The following ZNF554 variants were observed in gnomAD, a reference collection of about 807,000 sequenced individuals.
The protein encoded by ZNF554 is zinc finger protein 554.
ZNF554 carries 15 observed loss-of-function variants against 21.2 expected under a neutral mutation model. The ratio of observed to expected loss-of-function variants is 0.71; its 90% CI spans 0.47 to 1.09. The LOEUF (loss-of-function observed/expected upper bound fraction) is 1.09. Among genes scored for constraint, ZNF554 ranks in the 50% least tolerant of loss-of-function variants. ZNF554 has a pLI of 0.00. For synonymous variants in ZNF554, 258 were observed against 251.4 expected (o/e 1.03, Z -0.25); for missense variants, 691 against 662.7 (o/e 1.04, Z -0.47).
chr19:2,820,360 C>T (rs1163624541), intron 1 of ZNF554, among the ~76,000 whole-genome samples: 1 of 152,226 alleles, frequency 6.6e-6, no homozygotes, highest in Non-Finnish European at 1.5e-5. Context: ...CGAGGCCCAG[C>T]CTGCAAGGAG....
chr19:2,822,153 T>A (rs566914410), intron 1 of ZNF554, among the ~76,000 whole-genome samples: 2 of 151,890 alleles, frequency 1.3e-5, no homozygotes, highest in South Asian at 4.2e-4. Context: ...CAGGTTCAAA[T>A]AATTATCGTG....
chr19:2,835,240 A>ATAC lies in ZNF554; in HGVS notation c.*388_*389insTAC. On this transcript the variant is annotated 3_prime_UTR_variant, in exon 5 of 5. Coordinates refer to ENST00000317243, the MANE Select transcript of ZNF554 (RefSeq NM_001102651.2). Reference sequence around the variant, plus strand: ...ATAATCCTAACACTTTAGGAGGCCGAGGCGGGTGGATCATGAGGTCAGGAG... The same window carrying ATAC: ...ATAATCCTAACACTTTAGGAGGCCGATACGGCGGGTGGATCATGAGGTCAGGAG... 1 of 170,784 alleles carries ATAC rather than the reference A, an allele frequency of 5.9e-6. No individual in the cohort carries two copies. Among genetic ancestry groups the ATAC allele is most frequent in the Admixed American group, 5.4e-5 (1 of 18,474 alleles). The allele number at this position is 170,784 out of a possible 1,614,324, so 10.6% of individuals were successfully genotyped here. A position where few individuals can be genotyped will look rare whatever the true frequency, so the allele number is the denominator to read the frequency against.
chr19:2,834,580 TC>T lies in ZNF554; in HGVS notation c.1347del (p.Ser450LeufsTer31), dbSNP rs780824562. On this transcript the variant is annotated frameshift_variant, in exon 5 of 5. Transcript: ENST00000317243. LOFTEE classifies it low-confidence loss of function (END_TRUNC). Reference protein sequence around the residue: ...SECGKAFSDRSSLNQHERTHT... With the variant: ...SECGKAFSDRXSLNQHERTHT... ...ATGTGGAAAGGCCTTCAGTGACCGT[TC>T]CTCTCTCAACCAGCACGAGCGAACT... The T allele has an allele frequency of 4.3e-6, 7 of 1,613,574 alleles. No individual in the cohort carries two copies. The highest frequency in any genetic ancestry group is 3.3e-5 in the Admixed American group (2 of 59,944).
rs1202694101 is a variant in ZNF554, at chr19:2,832,389, T to C, written c.340T>C (p.Ser114Pro). The change falls in exon 4 of 5, where the codon TCA (serine) becomes CCA (proline). Residue 114 changes from serine (S) to proline (P), a missense_variant. Coordinates refer to ENST00000317243, the MANE Select transcript of ZNF554 (RefSeq NM_001102651.2). ...AACCTCACAAGTCACTAGTCTTTCC[T>C]CATGGACGGGGTATTTACTTTTTCA... ...AQTSQVTSLS[S>P]WTGYLLFQPV... 2 of 1,614,218 alleles carry C rather than the reference T, an allele frequency of 1.2e-6. No individual in the cohort carries two copies. The highest frequency in any genetic ancestry group is 2.2e-5 in the East Asian group (1 of 44,888).
chr19:2,823,949 C>T (rs1030009177), intron 2 of ZNF554, among the ~76,000 whole-genome samples: 18 of 152,234 alleles, frequency 1.2e-4, no homozygotes, highest in African/African-American at 4.1e-4. Context: ...CCTCCCTGGC[C>T]TGAAGGTGGG....
At chr19:2,831,593 C>CTTTTTTTTTTTTTTTTTTTTT (rs71179916) in intron 3 of ZNF554, 1 of 113,480 alleles carries the variant, frequency 8.8e-6, no homozygotes, top group African/African-American at 3.4e-5. Flanking sequence ...TGCACCCGCC[C>CTTTTTTTTTTTTTTTTTTTTT]TTTTTTTTTT....
rs558144713 is a variant in ZNF554 at position 2,824,104 on chromosome 19, G to A, written c.126+992G>A. ...CCCCTGAACCTGCAGGGACTAGGGA[G>A]TCCTTCCTGAGACTCCTGAGGGTGC... On this transcript the variant is annotated intron_variant, in intron 2 of 4. Transcript: ENST00000317243. Among the ~76,000 whole-genome samples the A allele has an allele frequency of 7.1e-4, 108 of 152,294 alleles. 1 individual carries two copies. Among genetic ancestry groups the A allele is most frequent in the African/African-American group, 2.4e-3 (101 of 41,556 alleles).
In ZNF554 at chr19:2,833,882, C is replaced by CTACT; in HGVS notation, c.648_651dup (p.Ala218TyrfsTer11). On this transcript the variant is annotated frameshift_variant, in exon 5 of 5. Transcript: ENST00000317243. LOFTEE classifies it low-confidence loss of function (END_TRUNC). ...GTAGTGGCCGTTCCTCAGGAGAAGG[C>CTACT]TACTGCATGGCATGGATTTGGGGAA... 1 of 1,613,590 alleles carries CTACT rather than the reference C, an allele frequency of 6.2e-7. No individual in the cohort carries two copies. Among genetic ancestry groups the CTACT allele is most frequent in the South Asian group, 1.1e-5 (1 of 91,068 alleles).
chr19:2,832,744 G>T (rs934718131), intron 4 of ZNF554, among the ~76,000 whole-genome samples: 2 of 152,134 alleles, frequency 1.3e-5, no homozygotes, highest in Admixed American at 1.3e-4. Context: ...GTCTCACTCT[G>T]TGGCCCAGGC....
rs998126671 is a variant in ZNF554 at position 2,821,234 on chromosome 19, A to C, written c.53+1110A>C. Among the ~76,000 whole-genome samples the C allele has an allele frequency of 1.3e-5, 2 of 151,612 alleles. No individual in the cohort carries two copies. Among genetic ancestry groups the C allele is most frequent in the Non-Finnish European group, 2.9e-5 (2 of 67,974 alleles). ...CCCAAGTAGCTGGGATTACAGGTGCACGCCACCCCGCCTGGCTAATTTTTA... is the reference window on the plus strand; with the variant it reads ...CCCAAGTAGCTGGGATTACAGGTGCCCGCCACCCCGCCTGGCTAATTTTTA... On this transcript the variant is annotated intron_variant, in intron 1 of 4. Transcript: ENST00000317243. The surrounding 1 kb of genome is among the most constrained non-coding windows in gnomAD (Gnocchi z 8.2).
Position 2,834,709 on chromosome 19 carries a change from T to G in ZNF554, c.1474T>G (p.Tyr492Asp). 1 of 1,614,088 alleles carries G rather than the reference T, an allele frequency of 6.2e-7. No homozygotes were observed. Among genetic ancestry groups the G allele is most frequent in the Non-Finnish European group, 8.5e-7 (1 of 1,179,992 alleles). ...HERTHTGEKP[Y>D]RCQECGKAFS... ...GAGAACTCACACTGGAGAGAAACCC[T>G]ACAGGTGTCAGGAATGTGGGAAAGC... Residue 492 changes from tyrosine (Y) to aspartate (D), a missense_variant, in exon 5 of 5, where the codon TAC (tyrosine) becomes GAC (aspartate). Physicochemically the swap from Tyr to Asp is radical, Grantham distance 160. Transcript: ENST00000317243.
chr19:2,825,891 A>G (rs1249073826), intron 2 of ZNF554, among the ~76,000 whole-genome samples: 1 of 151,988 alleles, frequency 6.6e-6, no homozygotes. Context: ...GTGGTTCTAC[A>G]TCTTTTCTTT....
chr19:2,827,768 G>A (rs752854226), intron 3 of ZNF554, 25 bp downstream of exon 3: 6 of 1,613,336 alleles, frequency 3.7e-6, no homozygotes, highest in Admixed American at 1.7e-5. Context: ...ACTAATTCCT[G>A]TGTTCATTGA....
chr19:2,836,597 C>T lies in ZNF554; in HGVS notation c.*1745C>T, dbSNP rs999066505. 3.9e-5 allele frequency among the ~76,000 whole-genome samples: 6 copies of T among 152,308 alleles called. No individual in the cohort carries two copies. Among genetic ancestry groups the T allele is most frequent in the African/African-American group, 7.2e-5 (3 of 41,560 alleles). On this transcript the variant is annotated 3_prime_UTR_variant, in exon 5 of 5. Transcript: ENST00000317243. ...GAGACGTGAAGAAATGAATCATTTA[C>T]GCAATGATTGGGGTGTTCCAATTAT... is the stretch of plus-strand genomic sequence containing the variant.
chr19:2,821,831 T>C lies in ZNF554; in HGVS notation c.54-1209T>C, dbSNP rs2087268130. Among the ~76,000 whole-genome samples the C allele has an allele frequency of 1.3e-5, 2 of 151,838 alleles. No homozygotes were observed. The highest frequency in any genetic ancestry group is 6.6e-5 in the Admixed American group (1 of 15,242). On this transcript the variant is annotated intron_variant, in intron 1 of 4. Coordinates refer to ENST00000317243, the MANE Select transcript of ZNF554 (RefSeq NM_001102651.2). This position sits in a 1 kb window ranked among gnomAD's most constrained non-coding sequence, Gnocchi z 8.2. The stretch of plus-strand genomic sequence containing the variant: ...GGTGCACGCCACCACACCCAGCTAA[T>C]TTTTGTATTTTTAGTAGAGACGGGG...
Position 2,821,059 on chromosome 19 carries a change from C to G in ZNF554, c.53+935C>G, listed in dbSNP as rs922153888. ...CTAGCAACCCCAACCTCCCTGAACTCTCCCCTACCCAAACAGGTTGGTTTC... is the reference window on the plus strand; with the variant it reads ...CTAGCAACCCCAACCTCCCTGAACTGTCCCCTACCCAAACAGGTTGGTTTC... On this transcript the variant is annotated intron_variant, in intron 1 of 4. Transcript: ENST00000317243. This position sits in a 1 kb window ranked among gnomAD's most constrained non-coding sequence, Gnocchi z 8.2. Among the ~76,000 whole-genome samples, 3 of 151,662 alleles carry G rather than the reference C, an allele frequency of 2.0e-5. 1 individual carries two copies. The highest frequency in any genetic ancestry group is 1.3e-4 in the Admixed American group (2 of 15,246).
intron 3 of ZNF554, chr19:2,830,972 G>C (rs2087408004): frequency 6.6e-6 from 1 of 152,110 alleles, no homozygotes; most frequent in Non-Finnish European, 1.5e-5. Flanking sequence ...TGCCATGTTG[G>C]CCAGGGTGGT....
At chr19:2,826,136 G>C (rs548741403) in intron 2 of ZNF554, 32 of 150,786 alleles carry the variant, frequency 2.1e-4, no homozygotes, top group Non-Finnish European at 4.6e-4. Flanking sequence ...CCAACCTCAG[G>C]TGATCCGCCT....
In ZNF554 at chr19:2,834,139, G is replaced by T; in HGVS notation, c.904G>T (p.Gly302Trp). Reference sequence around the variant, plus strand: ...GAAGATGTTTGTGTATTTGGAAAATGGGCAGTCATTGAACCACGGTATGGC... The same window carrying T: ...GAAGATGTTTGTGTATTTGGAAAATTGGCAGTCATTGAACCACGGTATGGC... ...GGKMFVYLEN[G>W]QSLNHGMALT... The change falls in exon 5 of 5, where the codon GGG (glycine) becomes TGG (tryptophan). Residue 302 changes from glycine (G) to tryptophan (W), a missense_variant. Gly to Trp is a radical substitution (Grantham distance 184). Coordinates refer to ENST00000317243, the MANE Select transcript of ZNF554 (RefSeq NM_001102651.2). The T allele has an allele frequency of 1.2e-6, 2 of 1,614,046 alleles. No homozygotes were observed. The highest frequency in any genetic ancestry group is 2.7e-5 in the African/African-American group (2 of 75,042).
Sources: allele counts gnomAD v4.1 joint callset (sites outside exome capture counted in the v4.1 genomes callset), GRCh38; gene constraint gnomAD v4.1.1; non-coding constraint Gnocchi (gnomAD v3.1); transcripts MANE v1.5; gene names NCBI Gene and HGNC (gene_info 2026-07-23, HGNC 2026-07-21).